The following EDNRA variants were observed in gnomAD, a reference collection of about 807,000 sequenced individuals.
The protein encoded by EDNRA is endothelin-1 receptor.
EDNRA carries 11 observed loss-of-function variants against 41.4 expected under a neutral mutation model. The observed-to-expected ratio is 0.27, with a 90% CI of 0.17 to 0.44. The LOEUF (loss-of-function observed/expected upper bound fraction) is 0.44. Ranked by LOEUF, EDNRA falls within the 20% of genes least tolerant of loss-of-function variation. The pLI is 1.00. For missense variants in EDNRA, 294 were observed against 531.0 expected (o/e 0.55, Z 4.39); for synonymous variants, 172 against 183.0 (o/e 0.94, Z 0.49).
intron 2 of EDNRA, among the ~76,000 whole-genome samples, chr4:147,509,555 G>A (rs1729846966): frequency 6.6e-6 from 1 of 152,172 alleles, no homozygotes; most frequent in Non-Finnish European, 1.5e-5. Flanking sequence ...AGCAGGAGGT[G>A]AGTGGCAGGC....
At chr4:147,485,015 A>C (rs1362042929) in intron 1 of EDNRA, among the ~76,000 whole-genome samples, 2 of 152,342 alleles carry the variant, frequency 1.3e-5, no homozygotes, top group East Asian at 3.9e-4. Context: ...TAGAAGATTC[A>C]ATTTTTACAT....
At position 147,543,537 on chromosome 4, in the gene EDNRA, C is replaced by A. The variant is rs1292885575; in HGVS notation, c.*919C>A. On this transcript the variant is annotated 3_prime_UTR_variant, in exon 8 of 8. Coordinates refer to ENST00000651419, the MANE Select transcript of EDNRA (RefSeq NM_001957.4). ...AAATGTTAATGTATGTGTCATTTAA[C>A]TCTGCCTGAGACTTTCAGTGCACTG... 1 of 152,152 alleles carries A rather than the reference C, an allele frequency of 6.6e-6. No individual in the cohort carries two copies. Among genetic ancestry groups the A allele is most frequent in the South Asian group, 2.1e-4 (1 of 4,824 alleles). 9.4% of individuals were successfully genotyped at this position (152,152 alleles called of 1,614,324 possible).
chr4:147,486,379 C>T lies in EDNRA; in HGVS notation c.420+278C>T, dbSNP rs1728946786. Among the ~76,000 whole-genome samples the T allele has an allele frequency of 6.6e-6, 1 of 152,114 alleles. No individual in the cohort carries two copies. Among genetic ancestry groups the T allele is most frequent in the African/African-American group, 2.4e-5 (1 of 41,438 alleles). On this transcript the variant is annotated intron_variant, in intron 2 of 7. Coordinates refer to ENST00000651419, the MANE Select transcript of EDNRA (RefSeq NM_001957.4). The surrounding 1 kb of genome is among the most constrained non-coding windows in gnomAD (Gnocchi z 4.3). ...CTTGGATTCTCATGCCACCCCTGGG[C>T]TTGCTGGTTGGATAGGCTGTCTTGG...
intron 1 of EDNRA, among the ~76,000 whole-genome samples, chr4:147,484,041 T>C (rs1728863283): frequency 6.6e-6 from 1 of 152,080 alleles, no homozygotes; most frequent in Non-Finnish European, 1.5e-5. Context: ...TTTTTTAAGA[T>C]TAAATTATGA....
chr4:147,500,435 C>T (rs1345576978), intron 2 of EDNRA, among the ~76,000 whole-genome samples: 1 of 152,108 alleles, frequency 6.6e-6, no homozygotes. Context: ...AAACTGTTAG[C>T]AGTCAGGTGC....
intron 3 of EDNRA, among the ~76,000 whole-genome samples, chr4:147,524,209 C>T (rs1730448059): frequency 6.6e-6 from 1 of 151,884 alleles, no homozygotes; most frequent in African/African-American, 2.4e-5. Flanking sequence ...CTCCCACAGG[C>T]CCAGGGTGCA....
intron 2 of EDNRA, among the ~76,000 whole-genome samples, chr4:147,509,975 G>A (rs986158121): frequency 3.9e-5 from 6 of 152,002 alleles, no homozygotes; most frequent in Admixed American, 1.3e-4. Context: ...TCCACAAAAC[G>A]AGTCCCTGGT....
At chr4:147,513,626 A>G (rs1729999049) in intron 2 of EDNRA, among the ~76,000 whole-genome samples, 1 of 152,224 alleles carries the variant, frequency 6.6e-6, no homozygotes, top group East Asian at 1.9e-4. Flanking sequence ...CCCAGAAAGA[A>G]AGAAAAACCT....
intron 2 of EDNRA, among the ~76,000 whole-genome samples, chr4:147,509,110 G>A (rs1052513573): frequency 1.3e-5 from 2 of 152,134 alleles, no homozygotes; most frequent in African/African-American, 2.4e-5. Flanking sequence ...AGTTTTGAAT[G>A]GAATTTTTCT....
chr4:147,531,487 T>C (rs1359871557), intron 3 of EDNRA, among the ~76,000 whole-genome samples: 1 of 152,188 alleles, frequency 6.6e-6, no homozygotes, highest in African/African-American at 2.4e-5. Flanking sequence ...TGCTTTAAGG[T>C]TTCTTTTTTT....
Position 147,535,976 on chromosome 4 carries a change from T to C in EDNRA, c.847T>C (p.Leu283=). The C allele has an allele frequency of 1.2e-6, 2 of 1,614,020 alleles. No homozygotes were observed. The highest frequency in any genetic ancestry group is 2.2e-5 in the South Asian group (2 of 91,076). Residue 283 remains leucine (L), a synonymous_variant, in exon 5 of 8, where the codon TTG becomes CTG. Transcript: ENST00000651419. ...IFYTLMTCEM[L]NRRNGSLRIA... ...CTACACCCTCATGACTTGTGAGATG[T>C]TGAACAGAAGGAATGGCAGCTTGAG...
At chr4:147,509,558 T>TCTC (rs566339290) in intron 2 of EDNRA, among the ~76,000 whole-genome samples, 92 of 152,124 alleles carry the variant, frequency 6.0e-4, no homozygotes, top group Non-Finnish European at 1.2e-3. Flanking sequence ...AGGAGGTGAG[T>TCTC]GGCAGGCAAG....
At chr4:147,525,833 A>ATGAGG (rs796094010) in intron 3 of EDNRA, among the ~76,000 whole-genome samples, 5 of 152,348 alleles carry the variant, frequency 3.3e-5, no homozygotes, top group African/African-American at 1.2e-4. Context: ...AGATCCATTA[A>ATGAGG]TGAGGCAGCT....
At chr4:147,529,094 G>A (rs1305199732) in intron 3 of EDNRA, among the ~76,000 whole-genome samples, 1 of 152,228 alleles carries the variant, frequency 6.6e-6, no homozygotes, top group Non-Finnish European at 1.5e-5. Flanking sequence ...AAAAGTGGTT[G>A]CATTTGGATA....
chr4:147,534,146 T>TCTCAAGGGTCAGCCTC (rs1426024761), intron 4 of EDNRA, among the ~76,000 whole-genome samples: 12 of 152,140 alleles, frequency 7.9e-5, no homozygotes, highest in African/African-American at 2.9e-4. Flanking sequence ...CATTCAGCCC[T>TCTCAAGGGTCAGCCTC]CTCAAGGGTC....
intron 2 of EDNRA, among the ~76,000 whole-genome samples, chr4:147,514,957 C>A (rs1482621161): frequency 6.6e-6 from 1 of 152,128 alleles, no homozygotes; most frequent in Non-Finnish European, 1.5e-5. Context: ...ATTCTCAGGC[C>A]CTGCCCCAGA....
chr4:147,501,789 G>T (rs1729524581), intron 2 of EDNRA, among the ~76,000 whole-genome samples: 1 of 152,114 alleles, frequency 6.6e-6, no homozygotes, highest in African/African-American at 2.4e-5. Flanking sequence ...CCAATCTTTT[G>T]TTTTTGCAGA....
chr4:147,540,099 A>G, intron 6 of EDNRA, 149 bp downstream of exon 6: 1 of 1,124,602 alleles, frequency 8.9e-7, no homozygotes, highest in Non-Finnish European at 1.2e-6. Context: ...CATAGCCTAT[A>G]ACTGATCCCA....
rs577082871 is a variant in EDNRA, at chr4:147,492,715, A to T, written c.420+6614A>T. 4.0e-5 allele frequency: 6 copies of T among 151,128 alleles called. No homozygotes were observed. In the South Asian group the frequency reaches 1.3e-3, roughly 32 times the overall value. 9.4% of individuals were successfully genotyped at this position (151,128 alleles called of 1,614,324 possible). The stretch of plus-strand genomic sequence containing the variant: ...GAAGTAGGTTGATTTTTCTGCCATT[A>T]CTATGATATATGTACATTGCAAAAC... On this transcript the variant is annotated intron_variant, in intron 2 of 7. Transcript: ENST00000651419.
Sources: gnomAD v4.1 joint callset for allele counts (sites outside exome capture counted in the v4.1 genomes callset) on GRCh38, gnomAD v4.1.1 for gene constraint, Gnocchi (gnomAD v3.1) non-coding constraint, MANE v1.5 for transcripts, NCBI Gene and HGNC (gene_info 2026-07-23, HGNC 2026-07-21) for gene names.